DET1: variants seen among roughly 807,000 people sequenced by gnomAD.
The protein encoded by DET1 is DET1 homolog.
Under a neutral mutation model 43.7 loss-of-function variants are expected in DET1, and 22 were observed. The observed-to-expected ratio is 0.50, with a 90% confidence interval of 0.36 to 0.72. The LOEUF is 0.72. DET1 is among the 30% of genes least tolerant of loss of function. The pLI, the probability that DET1 is intolerant of heterozygous loss-of-function variation, is 0.00. For missense variants in DET1, 713 were observed against 713.3 expected (o/e 1.00, Z 0.00); for synonymous variants, 315 against 266.2 (o/e 1.18, Z -1.79).
intron 3 of DET1, among the ~76,000 whole-genome samples, chr15:88,522,163 C>T (rs1170046153): frequency 6.6e-6 from 1 of 152,090 alleles, no homozygotes; most frequent in Non-Finnish European, 1.5e-5. Flanking sequence ...GTTTTAATAA[C>T]GACTTTGTTT....
At chr15:88,510,875 G>A (rs1470210565), downstream of DET1, among the ~76,000 whole-genome samples, 3 of 150,134 alleles carry the variant, frequency 2.0e-5, no homozygotes, top group Non-Finnish European at 4.4e-5. Context: ...CCGGGTTCAC[G>A]CCATTCTCCT....
At chr15:88,528,990 A>T (rs1322349516) in intron 2 of DET1, among the ~76,000 whole-genome samples, 1 of 152,188 alleles carries the variant, frequency 6.6e-6, no homozygotes, top group East Asian at 1.9e-4. Context: ...ATCAAATTAA[A>T]CTGGAGGAGG....
intron 3 of DET1, among the ~76,000 whole-genome samples, chr15:88,518,480 A>C (rs916410250): frequency 2.6e-5 from 4 of 152,218 alleles, no homozygotes; most frequent in African/African-American, 7.2e-5. Context: ...TCTATATAAT[A>C]TGGCTAAAAA....
At chr15:88,539,093 C>A (rs1294517644) in intron 1 of DET1, among the ~76,000 whole-genome samples, 1 of 75,006 alleles carries the variant, frequency 1.3e-5, no homozygotes, top group Non-Finnish European at 2.5e-5. Flanking sequence ...TCTGGCAGAC[C>A]GCTCTCTCTC....
intron 3 of DET1, among the ~76,000 whole-genome samples, chr15:88,518,511 A>G (rs763512351): frequency 1.3e-5 from 2 of 152,212 alleles, no homozygotes; most frequent in Non-Finnish European, 2.9e-5. Context: ...ACAAAAACTC[A>G]CACTTAAAGC....
chr15:88,534,112 T>C (rs773517715), intron 1 of DET1, among the ~76,000 whole-genome samples: 10 of 152,188 alleles, frequency 6.6e-5, no homozygotes, highest in African/African-American at 9.7e-5. Flanking sequence ...TGTTAGGCTA[T>C]TTTAAAATCA....
intron 4 of DET1, among the ~76,000 whole-genome samples, 191 bp from the exon 5 acceptor site, chr15:88,513,331 G>A (rs768804594): frequency 6.6e-6 from 1 of 152,194 alleles, no homozygotes; most frequent in Non-Finnish European, 1.5e-5. Context: ...TTAGTGAAGA[G>A]TGATTATAAA....
chr15:88,542,167 T>TTTA (rs1192378720), intron 1 of DET1, among the ~76,000 whole-genome samples: 2 of 152,126 alleles, frequency 1.3e-5, no homozygotes, highest in Non-Finnish European at 2.9e-5. Context: ...TTTAACTCTC[T>TTTA]TTACCTCTGA....
At chr15:88,544,811 G>A (rs1022613248) in intron 1 of DET1, among the ~76,000 whole-genome samples, 1 of 152,084 alleles carries the variant, frequency 6.6e-6, no homozygotes, top group Admixed American at 6.5e-5. Context: ...CACTTGGAGG[G>A]CCGGTACCTC....
In DET1 at chr15:88,517,501, C is replaced by T. The variant is rs573108552; in HGVS notation, c.1272-528G>A. On this transcript the variant is annotated intron_variant, in intron 3 of 4. Transcript: ENST00000268148. ...TTGGCCTCCCAAAATGCTAGGATTA[C>T]AGATATGAGCCACCACACCCGGCCC... Among the ~76,000 whole-genome samples the T allele has an allele frequency of 1.4e-3, 220 of 152,264 alleles. 2 individuals are homozygous for T. The highest frequency in any genetic ancestry group is 2.6e-3 in the Non-Finnish European group (179 of 68,018).
At chr15:88,510,343 AG>A (rs927371931), downstream of DET1, among the ~76,000 whole-genome samples, 6 of 152,218 alleles carry the variant, frequency 3.9e-5, no homozygotes, top group African/African-American at 1.4e-4. Flanking sequence ...AATGAGCAGA[AG>A]GGCCCAGATT....
At chr15:88,546,065 C>T (rs1043088788) in intron 1 of DET1, among the ~76,000 whole-genome samples, 3 of 151,994 alleles carry the variant, frequency 2.0e-5, no homozygotes, top group Non-Finnish European at 4.4e-5. Flanking sequence ...ATTGTTTTAA[C>T]TAGACCCCCC....
Position 88,516,682 on chromosome 15 carries a change from G to A in DET1, c.1463+100C>T, listed in dbSNP as rs1245040351. ...CCTTTTCAACCTTACCCATGAGTACGAGTCACAGTCACAATCAAATGATGT... is the reference window on the plus strand; with the variant it reads ...CCTTTTCAACCTTACCCATGAGTACAAGTCACAGTCACAATCAAATGATGT... On this transcript the variant is annotated intron_variant, in intron 4 of 4. Coordinates refer to ENST00000268148, the MANE Select transcript of DET1 (RefSeq NM_001144074.3). This position sits in a 1 kb window ranked among gnomAD's most constrained non-coding sequence, Gnocchi z 4.4. 10 of 1,053,588 alleles carry A rather than the reference G, an allele frequency of 9.5e-6. No homozygotes were observed. Among genetic ancestry groups the A allele is most frequent in the South Asian group, 2.1e-5 (1 of 47,872 alleles). 65.3% of individuals were successfully genotyped at this position (1,053,588 alleles called of 1,614,324 possible).
intron 2 of DET1, among the ~76,000 whole-genome samples, chr15:88,529,585 T>C (rs1307347952): frequency 6.6e-6 from 1 of 152,208 alleles, no homozygotes; most frequent in Admixed American, 6.5e-5. Flanking sequence ...TTACCACAGG[T>C]AGCTGGTGAG....
intron 1 of DET1, among the ~76,000 whole-genome samples, chr15:88,532,697 A>C (rs565984896): frequency 6.6e-6 from 1 of 152,376 alleles, no homozygotes; most frequent in South Asian, 2.1e-4. Flanking sequence ...GAAAAAGGAC[A>C]GTCACTTCAA....
chr15:88,513,165 G>T (rs1452889273), intron 4 of DET1, 25 bp from the exon 5 acceptor site: 1 of 1,580,948 alleles, frequency 6.3e-7, no homozygotes, highest in Admixed American at 1.8e-5. Flanking sequence ...GACAGAGACA[G>T]AGAAAGAGGG....
In DET1 at chr15:88,531,638, T is replaced by A; in HGVS notation, c.68A>T (p.Glu23Val). Reference sequence around the variant, plus strand: ...CTTGCCTGAACTGATCCGCCGGCGTTCCAAGCGGTGAATGACATTTTGGTT... The same window carrying A: ...CTTGCCTGAACTGATCCGCCGGCGTACCAAGCGGTGAATGACATTTTGGTT... ...IQNQNVIHRL[E>V]RRRISSGKAG... Residue 23 changes from glutamate (E) to valine (V), a missense_variant, in exon 2 of 5, where the codon GAA (glutamate) becomes GTA (valine). Glu to Val is a moderately radical substitution (Grantham distance 121). Coordinates refer to ENST00000268148, the MANE Select transcript of DET1 (RefSeq NM_001144074.3). The surrounding 1 kb of genome is among the most constrained non-coding windows in gnomAD (Gnocchi z 6.2). 1 of 1,613,892 alleles carries A rather than the reference T, an allele frequency of 6.2e-7. No homozygotes were observed. Among genetic ancestry groups the A allele is most frequent in the Non-Finnish European group, 8.5e-7 (1 of 1,179,784 alleles).
At chr15:88,527,508 A>T in intron 3 of DET1, 91 bp downstream of exon 3, 1 of 1,219,226 alleles carries the variant, frequency 8.2e-7, no homozygotes, top group Non-Finnish European at 1.1e-6. Flanking sequence ...ATGTGGACAG[A>T]CAGAATAAGA....
chr15:88,505,821 C>T (rs577812144), intron 7 of DET1: 58 of 152,366 alleles, frequency 3.8e-4, no homozygotes, highest in African/African-American at 1.3e-3. Flanking sequence ...CCATCAACAA[C>T]ACACCAATAA....
Sources: gnomAD v4.1 joint callset for allele counts (sites outside exome capture counted in the v4.1 genomes callset) on GRCh38, gnomAD v4.1.1 for gene constraint, Gnocchi (gnomAD v3.1) non-coding constraint, MANE v1.5 for transcripts, NCBI Gene and HGNC (gene_info 2026-07-23, HGNC 2026-07-21) for gene names.